ZBED3: variants seen among roughly 807,000 people sequenced by gnomAD.
ZBED3 encodes zinc finger BED domain-containing protein 3.
For missense variants in ZBED3, 388 were observed against 362.9 expected (o/e 1.07, Z -0.56); for synonymous variants, 175 against 180.0 (o/e 0.97, Z 0.22).
At chr5:77,084,589 T>A (rs1046857053) in intron 1 of ZBED3, among the ~76,000 whole-genome samples, 1 of 152,174 alleles carries the variant, frequency 6.6e-6, no homozygotes, top group Non-Finnish European at 1.5e-5. Context: ...GAAAACAGAT[T>A]ACTAACACAC....
chr5:77,081,908 G>A (rs980454273), intron 1 of ZBED3, among the ~76,000 whole-genome samples: 1 of 152,098 alleles, frequency 6.6e-6, no homozygotes, highest in Non-Finnish European at 1.5e-5. Context: ...CCATCTGGTG[G>A]GGAAAGAGAT....
intron 1 of ZBED3, among the ~76,000 whole-genome samples, chr5:77,084,504 C>T (rs73764663): frequency 0.028 from 4,215 of 152,304 alleles, 108 homozygotes; most frequent in African/African-American, 0.059. Flanking sequence ...TCCCTAGCCA[C>T]GTGGAACTTT....
chr5:77,085,986 T>C (rs1743230235), intron 1 of ZBED3, among the ~76,000 whole-genome samples: 1 of 152,240 alleles, frequency 6.6e-6, no homozygotes, highest in African/African-American at 2.4e-5. Context: ...CTAAATGGCA[T>C]AAGCCAAACT....
At chr5:77,086,906 T>G (rs1401382878) in intron 1 of ZBED3, 1 of 152,294 alleles carries the variant, frequency 6.6e-6, no homozygotes, top group Non-Finnish European at 1.5e-5. Flanking sequence ...TGGAAGACGG[T>G]GAGCGGGGCC....
At chr5:77,086,853 C>T (rs1483146782) in intron 1 of ZBED3, 1 of 152,330 alleles carries the variant, frequency 6.6e-6, no homozygotes, top group African/African-American at 2.4e-5. Flanking sequence ...TCCGAACAAG[C>T]TTGTCGAAAG....
intron 1 of ZBED3, among the ~76,000 whole-genome samples, chr5:77,079,685 A>C (rs1462986747): frequency 6.6e-6 from 1 of 152,206 alleles, no homozygotes; most frequent in Non-Finnish European, 1.5e-5. Context: ...AAATATGGTC[A>C]CTCATGATAA....
chr5:77,080,256 C>T (rs1009432476), intron 1 of ZBED3, among the ~76,000 whole-genome samples: 1 of 152,226 alleles, frequency 6.6e-6, no homozygotes, highest in Non-Finnish European at 1.5e-5. Context: ...TGATTACTGT[C>T]ATGCTTTTTA....
chr5:77,077,711 C>G lies in ZBED3; in HGVS notation c.168G>C (p.Pro56=), dbSNP rs1387587968. The G allele has an allele frequency of 1.5e-6, 2 of 1,349,606 alleles. No individual in the cohort carries two copies. The highest frequency in any genetic ancestry group is 1.9e-6 in the Non-Finnish European group (2 of 1,056,000). The allele number at this position is 1,349,606 out of a possible 1,614,324, so 83.6% of individuals were successfully genotyped here. A position where few individuals can be genotyped will look rare whatever the true frequency, so the allele number is the denominator to read the frequency against. ...SEAWGYFHLA[P]GRPGHPSGHW... is the part of the protein sequence containing the mutation. ...GGCCCGACGGATGCCCGGGGCGCCCCGGCGCCAGGTGGAAGTAGCCCCAGG... is the reference window on the plus strand; with the variant it reads ...GGCCCGACGGATGCCCGGGGCGCCCGGGCGCCAGGTGGAAGTAGCCCCAGG... Residue 56 remains proline, a synonymous_variant, in exon 3 of 3, where the codon CCG becomes CCC. Transcript: ENST00000255198.
Position 77,075,280 on chromosome 5 carries a change from A to G in ZBED3, c.*1894T>C, listed in dbSNP as rs1315458752. 1.3e-5 allele frequency: 2 copies of G among 152,244 alleles called. No individual in the cohort carries two copies. The highest frequency in any genetic ancestry group is 2.9e-5 in the Non-Finnish European group (2 of 68,054). 9.4% of individuals were successfully genotyped at this position (152,244 alleles called of 1,614,324 possible). ...TGGCCTGGATGCTTCAAAAAGTATC[A>G]TGGGAAAATATGTTGGGGTTGTTGT... is the stretch of plus-strand genomic sequence containing the variant. On this transcript the variant is annotated 3_prime_UTR_variant, in exon 3 of 3. Coordinates refer to ENST00000255198, the MANE Select transcript of ZBED3 (RefSeq NM_032367.4).
At chr5:77,077,995 C>G in intron 2 of ZBED3, 100 bp from the exon 3 acceptor site, 2 of 855,356 alleles carry the variant, frequency 2.3e-6, no homozygotes, top group Non-Finnish European at 3.1e-6. Context: ...CATTTTCTTA[C>G]CGATGAAAAG....
intron 1 of ZBED3, among the ~76,000 whole-genome samples, chr5:77,079,897 T>C (rs7709037): frequency 0.31 from 46,540 of 152,126 alleles, 7,447 homozygotes; most frequent in Non-Finnish European, 0.33. Context: ...TTAAGTGTTA[T>C]AAACATTTTT....
rs944339162 is a variant in ZBED3, at chr5:77,077,253, G to T, written c.626C>A (p.Ala209Asp). ...VSRREGALGW[A>D]PAAPPPLKDD... ...CTTGAGCGGCGGCGGCGCAGCGGGG[G>T]CCCAGCCCAGGGCGCCCTCACGGCG... Residue 209 changes from alanine to aspartate, a missense_variant, in exon 3 of 3, where the codon GCC (alanine) becomes GAC (aspartate). By Grantham distance (126) the Ala-to-Asp change is moderately radical. Coordinates refer to ENST00000255198, the MANE Select transcript of ZBED3 (RefSeq NM_032367.4). 3 of 1,462,224 alleles carry T rather than the reference G, an allele frequency of 2.1e-6. No homozygotes were observed. The highest frequency in any genetic ancestry group is 2.9e-5 in the African/African-American group (2 of 68,740). 90.6% of individuals were successfully genotyped at this position (1,462,224 alleles called of 1,614,324 possible).
Position 77,073,696 on chromosome 5 carries a change from A to T in ZBED3, c.*3478T>A, listed in dbSNP as rs1172376480. The stretch of plus-strand genomic sequence containing the variant: ...TAAAAAATTACTACTATTTCCTTTT[A>T]TTTGTTGTTGTGAATTTTACTCAGA... On this transcript the variant is annotated 3_prime_UTR_variant, in exon 3 of 3. Transcript: ENST00000255198. 6.6e-6 allele frequency: 1 copy of T among 151,808 alleles called. No individual in the cohort carries two copies. Among genetic ancestry groups the T allele is most frequent in the Non-Finnish European group, 1.5e-5 (1 of 67,806 alleles). The allele number at this position is 151,808 out of a possible 1,614,324, so 9.4% of individuals were successfully genotyped here. A position where few individuals can be genotyped will look rare whatever the true frequency, so the allele number is the denominator to read the frequency against.
rs143077857 is a variant in ZBED3 at position 77,080,759 on chromosome 5, G to A, written c.-152-2031C>T. Among the ~76,000 whole-genome samples, 723 of 152,318 alleles carry A rather than the reference G, an allele frequency of 4.7e-3. 6 individuals carry two copies. The highest frequency in any genetic ancestry group is 0.016 in the African/African-American group (671 of 41,564). ...AGCAATGAGAACACGTGGACACAGG[G>A]TGGGGAACATCACACACAGGGGCCT... On this transcript the variant is annotated intron_variant, in intron 1 of 2. Coordinates refer to ENST00000255198, the MANE Select transcript of ZBED3 (RefSeq NM_032367.4).
In ZBED3 at chr5:77,077,693, C is replaced by A; in HGVS notation, c.186G>T (p.Pro62=). The A allele has an allele frequency of 7.4e-7, 1 of 1,352,130 alleles. No homozygotes were observed. The highest frequency in any genetic ancestry group is 9.5e-7 in the Non-Finnish European group (1 of 1,056,666). 83.8% of individuals were successfully genotyped at this position (1,352,130 alleles called of 1,614,324 possible). A position where few individuals can be genotyped will look rare whatever the true frequency, so the allele number is the denominator to read the frequency against. Residue 62 remains proline, a synonymous_variant, in exon 3 of 3, where the codon CCG becomes CCT. Coordinates refer to ENST00000255198, the MANE Select transcript of ZBED3 (RefSeq NM_032367.4). ...GACGGCAGGTGGCCCAGTGGCCCGA[C>A]GGATGCCCGGGGCGCCCCGGCGCCA... ...FHLAPGRPGH[P]SGHWATCRLC...
intron 1 of ZBED3, among the ~76,000 whole-genome samples, chr5:77,080,806 G>A (rs1454161845): frequency 6.6e-6 from 1 of 152,214 alleles, no homozygotes; most frequent in South Asian, 2.1e-4. Context: ...GCGTGGGAGG[G>A]ATAGCATTAG....
At chr5:77,083,746 T>C (rs1743177911) in intron 1 of ZBED3, among the ~76,000 whole-genome samples, 1 of 152,192 alleles carries the variant, frequency 6.6e-6, no homozygotes, top group African/African-American at 2.4e-5. Context: ...CCCTTGGGAA[T>C]TGACTACAAA....
rs1326572025 is a variant in ZBED3 at position 77,076,518 on chromosome 5, C to CA, written c.*655dup. ...CAAGGGAAGGATGGCCGAGGGGAGACAGAGTGCACCTGGTATTGGTTGAAT... is the reference window on the plus strand; with the variant it reads ...CAAGGGAAGGATGGCCGAGGGGAGACAAGAGTGCACCTGGTATTGGTTGAAT... On this transcript the variant is annotated 3_prime_UTR_variant, in exon 3 of 3. Transcript: ENST00000255198. The CA allele has an allele frequency of 6.6e-6, 1 of 152,102 alleles. No individual in the cohort carries two copies. Among genetic ancestry groups the CA allele is most frequent in the Non-Finnish European group, 1.5e-5 (1 of 68,090 alleles). 9.4% of individuals were successfully genotyped at this position (152,102 alleles called of 1,614,324 possible).
chr5:77,079,168 T>G (rs919829982), intron 1 of ZBED3: 1 of 152,210 alleles, frequency 6.6e-6, no homozygotes, highest in Non-Finnish European at 1.5e-5. Flanking sequence ...AAATGTGTGA[T>G]TCTAGATAAA....
Sources: gnomAD v4.1 joint callset for allele counts (sites outside exome capture counted in the v4.1 genomes callset) on GRCh38, gnomAD v4.1.1 for gene constraint, MANE v1.5 for transcripts, NCBI Gene and HGNC (gene_info 2026-07-23, HGNC 2026-07-21) for gene names.